The following GABPB1 variants were observed in gnomAD, a reference collection of about 807,000 sequenced individuals.
The protein encoded by GABPB1 is GA binding protein transcription factor subunit beta 1, also known as GA-binding protein subunit beta-1.
In GABPB1, 15 loss-of-function variants were observed where a neutral mutation model predicts 45.9. That is an observed-to-expected ratio of 0.33 (90% CI 0.22 to 0.50). The LOEUF is 0.50. Ranked by LOEUF, GABPB1 falls within the 20% of genes least tolerant of loss-of-function variation. The pLI is 0.98. For synonymous variants in GABPB1, 143 were observed against 154.4 expected, an observed-to-expected ratio of 0.93 and a Z score of 0.55; for missense variants, 252 against 457.5, an observed-to-expected ratio of 0.55 and a Z score of 4.10.
chr15:50,304,996 C>G (rs1481921423), intron 2 of GABPB1, among the ~76,000 whole-genome samples: 1 of 152,028 alleles, frequency 6.6e-6, no homozygotes, highest in Non-Finnish European at 1.5e-5. Context: ...CAGGACAAAA[C>G]CAAAACAGAG....
intron 1 of GABPB1, among the ~76,000 whole-genome samples, chr15:50,348,063 C>T (rs910123902): frequency 5.6e-5 from 4 of 71,992 alleles, no homozygotes; most frequent in African/African-American, 3.1e-4. Flanking sequence ...AAAAGAATCA[C>T]TACTATAGTA....
chr15:50,326,880 C>G (rs2047789534), intron 1 of GABPB1, among the ~76,000 whole-genome samples: 1 of 151,918 alleles, frequency 6.6e-6, no homozygotes, highest in African/African-American at 2.4e-5. Context: ...GATGAATTGC[C>G]CCTGTTATGG....
At chr15:50,285,696 ATT>A (rs749819608) in intron 8 of GABPB1, among the ~76,000 whole-genome samples, 3 of 152,144 alleles carry the variant, frequency 2.0e-5, no homozygotes, top group Non-Finnish European at 4.4e-5. Flanking sequence ...CCAATTAGGC[ATT>A]TGAGTTTCAG....
chr15:50,280,141 A>G (rs2045929096), intron 8 of GABPB1, among the ~76,000 whole-genome samples: 2 of 152,084 alleles, frequency 1.3e-5, no homozygotes, highest in Admixed American at 1.3e-4. Context: ...AAATCTTCCA[A>G]TTACACAAAA....
intron 1 of GABPB1, among the ~76,000 whole-genome samples, chr15:50,315,405 T>C (rs1278494693): frequency 6.6e-6 from 1 of 152,226 alleles, no homozygotes; most frequent in Non-Finnish European, 1.5e-5. Context: ...GTGCTGGGAC[T>C]ATAGGCATGA....
chr15:50,354,260 G>C, intron 1 of GABPB1: 1 of 363,324 alleles, frequency 2.8e-6, no homozygotes, highest in Non-Finnish European at 5.4e-6. Flanking sequence ...CGGCGGCGAA[G>C]TCTTTGGGGC....
intron 1 of GABPB1, among the ~76,000 whole-genome samples, chr15:50,331,387 G>A (rs7163457): frequency 0.47 from 71,544 of 152,022 alleles, 18,265 homozygotes; most frequent in Middle Eastern, 0.65. Context: ...TTCCTTTTCT[G>A]TTAAATTAAC....
intron 2 of GABPB1, among the ~76,000 whole-genome samples, chr15:50,308,594 T>G (rs972012664): frequency 6.6e-6 from 1 of 152,212 alleles, no homozygotes; most frequent in Non-Finnish European, 1.5e-5. Context: ...CTTCTCTCCA[T>G]GAACACTCTC....
chr15:50,324,520 T>A (rs1265044141), intron 1 of GABPB1, among the ~76,000 whole-genome samples: 1 of 150,364 alleles, frequency 6.7e-6, no homozygotes, highest in African/African-American at 2.4e-5. Context: ...ATGCCCTGAA[T>A]GCTCCCAATG....
intron 2 of GABPB1, among the ~76,000 whole-genome samples, chr15:50,309,144 A>G (rs1022229680): frequency 1.3e-5 from 2 of 152,116 alleles, no homozygotes; most frequent in Admixed American, 6.5e-5. Context: ...CCATATCCAC[A>G]AGACAATACT....
intron 1 of GABPB1, among the ~76,000 whole-genome samples, chr15:50,325,693 A>C (rs2047730640): frequency 6.6e-6 from 1 of 151,802 alleles, no homozygotes; most frequent in Non-Finnish European, 1.5e-5. Context: ...CAGCACGCCC[A>C]GCTAATTTTT....
At chr15:50,347,053 G>T (rs1447915678) in intron 1 of GABPB1, among the ~76,000 whole-genome samples, 1 of 152,002 alleles carries the variant, frequency 6.6e-6, no homozygotes, top group Non-Finnish European at 1.5e-5. Context: ...CTCCCAAAGT[G>T]CTGGGATTAC....
intron 1 of GABPB1, among the ~76,000 whole-genome samples, chr15:50,331,786 A>G (rs1156345875): frequency 6.6e-6 from 1 of 151,988 alleles, no homozygotes; most frequent in Non-Finnish European, 1.5e-5. Context: ...TTATTAGACA[A>G]TTTACCTTTA....
intron 1 of GABPB1, 35 bp from the exon 2 acceptor site, chr15:50,309,833 C>T: frequency 1.6e-6 from 2 of 1,234,686 alleles, no homozygotes; most frequent in South Asian, 1.2e-5. Flanking sequence ...ACATCAAAAT[C>T]TCCATTTATA....
chr15:50,305,752 T>C (rs1388500071), intron 2 of GABPB1, among the ~76,000 whole-genome samples: 9 of 152,282 alleles, frequency 5.9e-5, no homozygotes, highest in African/African-American at 1.7e-4. Flanking sequence ...TTCTTGGTTA[T>C]TGACACAAAA....
At chr15:50,319,472 C>T (rs2047477313) in intron 1 of GABPB1, among the ~76,000 whole-genome samples, 1 of 152,076 alleles carries the variant, frequency 6.6e-6, no homozygotes, top group Non-Finnish European at 1.5e-5. Context: ...TCTATTATCC[C>T]CCTCCGTATG....
In GABPB1 at chr15:50,278,487, C is replaced by T; in HGVS notation, c.*145G>A. 2.0e-6 allele frequency: 1 copy of T among 488,284 alleles called. No homozygotes were observed. 30.2% of individuals were successfully genotyped at this position (488,284 alleles called of 1,614,324 possible). On this transcript the variant is annotated 3_prime_UTR_variant, in exon 9 of 9. Transcript: ENST00000380877. The stretch of plus-strand genomic sequence containing the variant: ...AAAGTAAAGTTTTATGTTACAAGAA[C>T]TCAGAGCTCATGGCTTAAGTCCAAT...
At chr15:50,289,842 G>A (rs1490668569) in intron 6 of GABPB1, among the ~76,000 whole-genome samples, 174 bp from the exon 7 acceptor site, 2 of 151,440 alleles carry the variant, frequency 1.3e-5, no homozygotes, top group Non-Finnish European at 2.9e-5. Flanking sequence ...GCACAATCAT[G>A]GCTCACTGCA....
At chr15:50,297,968 G>T (rs1359403103) in intron 6 of GABPB1, among the ~76,000 whole-genome samples, 1 of 152,158 alleles carries the variant, frequency 6.6e-6, no homozygotes, top group Non-Finnish European at 1.5e-5. Flanking sequence ...ATTTTCAAAG[G>T]TTAAGAGAAG....
Sources: allele counts gnomAD v4.1 joint callset (sites outside exome capture counted in the v4.1 genomes callset), GRCh38; gene constraint gnomAD v4.1.1; transcripts MANE v1.5; gene names NCBI Gene and HGNC (gene_info 2026-07-23, HGNC 2026-07-21).